Variants in PRRT4 observed in about 807,000 individuals in gnomAD.
The protein encoded by PRRT4 is proline-rich transmembrane protein 4.
In PRRT4, 59 loss-of-function variants were observed where a neutral mutation model predicts 55.6. The ratio of observed to expected loss-of-function variants is 1.06; its 90% CI spans 0.86 to 1.32. PRRT4 has a LOEUF of 1.32. Among genes scored for constraint, PRRT4 ranks in the 40% most tolerant of loss-of-function variants. The pLI, the probability that PRRT4 is intolerant of heterozygous loss-of-function variation, is 0.00. For synonymous variants in PRRT4, 606 were observed against 601.8 expected, an observed-to-expected ratio of 1.01 and a Z score of -0.10; for missense variants, 1,217 against 1,222.0, an observed-to-expected ratio of 1.00 and a Z score of 0.06.
chr7:128,352,008 G>T lies in PRRT4; in HGVS notation c.1548C>A (p.Leu516=), dbSNP rs750507395. 2.6e-5 allele frequency: 34 copies of T among 1,316,498 alleles called. No homozygotes were observed. In the African/African-American group the frequency reaches 3.9e-4, roughly 15 times the overall value. The allele number at this position is 1,316,498 out of a possible 1,614,324, so 81.6% of individuals were successfully genotyped here. ...GCCGCCGCCGCCCGCCCCAGCAGGAGAGCGCCAGCAGCAGCCCGGAAAGGA... is the reference window on the plus strand; with the variant it reads ...GCCGCCGCCGCCCGCCCCAGCAGGATAGCGCCAGCAGCAGCCCGGAAAGGA... Residue 516 remains leucine (L), a synonymous_variant, in exon 5 of 5, where the codon CTC becomes CTA. Coordinates refer to ENST00000535159, the Ensembl canonical transcript of PRRT4.
chr7:128,358,791 C>T lies in PRRT4; in HGVS notation c.767G>A (p.Gly256Asp). The T allele has an allele frequency of 1.3e-6, 2 of 1,542,034 alleles. No individual in the cohort carries two copies. The highest frequency in any genetic ancestry group is 1.7e-6 in the Non-Finnish European group (2 of 1,143,616). ...GTATGGGGGCAGGGACAGAGTGGTA[C>T]CAAGGAACCCTGCAAAGGGAGCACA... Residue 256 changes from glycine to aspartate, a missense_variant, in exon 4 of 5, where the codon GGT becomes GAT. Physicochemically the swap from Gly to Asp is moderately conservative, Grantham distance 94 (BLOSUM62 -1). Around this residue, in one of 3 missense-constraint regions of PRRT4, gnomAD observed 564 missense variants for 592.9 expected, o/e 0.95. Transcript: ENST00000535159. This position sits in a 1 kb window ranked among gnomAD's most constrained non-coding sequence, Gnocchi z 4.4.
exon 5 of PRRT4, chr7:128,351,995 C>T: frequency 2.3e-6 from 3 of 1,309,696 alleles, no homozygotes; most frequent in Non-Finnish European, 2.9e-6. Context: ...CGCCGCCGCC[C>T]GCCCCAGCAG....
rs541759797 is a variant in PRRT4, at chr7:128,352,288, C to T, written c.1268G>A (p.Gly423Glu). Residue 423 changes from glycine (G) to glutamate (E), a missense_variant, in exon 5 of 5, where the codon GGG becomes GAG. Physicochemically the swap from Gly to Glu is moderately conservative, Grantham distance 98. This residue lies in a region of PRRT4 where 564 missense variants were observed against 592.9 expected (regional missense o/e 0.95). Coordinates refer to ENST00000535159, the Ensembl canonical transcript of PRRT4. The stretch of plus-strand genomic sequence containing the variant: ...GAGCGCGGGCAGTCGATCCCTGTGC[C>T]CATAGGCGTCGTAGAAGAGCGGGAA... The T allele has an allele frequency of 1.9e-6, 3 of 1,543,620 alleles. No homozygotes were observed. The South Asian group carries it at 3.6e-5, about 18-fold the overall frequency.
chr7:128,351,982 C>G, exon 5 of PRRT4: 1 of 1,284,892 alleles, frequency 7.8e-7, no homozygotes, highest in African/African-American at 1.6e-5. Context: ...CGCCCCGGCC[C>G]GCCGCCGCCG....
chr7:128,353,872 G>T (rs1797054651), intron 4 of PRRT4, among the ~76,000 whole-genome samples: 1 of 152,130 alleles, frequency 6.6e-6, no homozygotes, highest in African/African-American at 2.4e-5. Flanking sequence ...CTTGGAAAAA[G>T]GGAAGTCACC....
chr7:128,353,710 A>G (rs1007057604), intron 4 of PRRT4, among the ~76,000 whole-genome samples: 2 of 152,208 alleles, frequency 1.3e-5, no homozygotes, highest in Non-Finnish European at 2.9e-5. Flanking sequence ...CCCAGGTCTC[A>G]AAAGGTGCCC....
chr7:128,350,749 G>A, downstream of PRRT4: 1 of 1,472,662 alleles, frequency 6.8e-7, no homozygotes, highest in Non-Finnish European at 9.1e-7. Context: ...GGAATCTGGA[G>A]AGGTATCTGA....
rs1007967203 is a variant in PRRT4 at position 128,358,626 on chromosome 7, C to T, written c.877+55G>A. On this transcript the variant is annotated intron_variant, in intron 4 of 4. Coordinates refer to ENST00000535159, the Ensembl canonical transcript of PRRT4. The surrounding 1 kb of genome is among the most constrained non-coding windows in gnomAD (Gnocchi z 4.4). ...TCCCAGAACACTGATGAGTGACTAG[C>T]ATGTAGTAAGTGCTCAATAAATAAT... The T allele has an allele frequency of 9.0e-6, 13 of 1,452,340 alleles. No homozygotes were observed. In the African/African-American group the frequency reaches 1.7e-4, roughly 19 times the overall value. 90.0% of individuals were successfully genotyped at this position (1,452,340 alleles called of 1,614,324 possible). A position where few individuals can be genotyped will look rare whatever the true frequency, so the allele number is the denominator to read the frequency against.
intron 4 of PRRT4, among the ~76,000 whole-genome samples, chr7:128,356,647 G>A (rs1412725284): frequency 6.6e-6 from 1 of 152,260 alleles, no homozygotes; most frequent in Non-Finnish European, 1.5e-5. Context: ...TGGCCAGGAG[G>A]AGAGGAGATA....
In PRRT4 at chr7:128,351,702, C is replaced by T. The variant is rs565854233; in HGVS notation, c.1854G>A (p.Leu618=). The T allele has an allele frequency of 6.3e-5, 95 of 1,498,728 alleles. No individual in the cohort carries two copies. In the African/African-American group the frequency reaches 1.1e-3, roughly 17 times the overall value. 92.8% of individuals were successfully genotyped at this position (1,498,728 alleles called of 1,614,324 possible). The change falls in exon 5 of 5, where the codon CTG becomes CTA. Residue 618 remains leucine (L), a synonymous_variant. Transcript: ENST00000535159. Reference sequence around the variant, plus strand: ...GACTGCAGAGCGCCGGGTAGAGGCCCAGCAGCGCCAACGGGAGCGCGACGC... The same window carrying T: ...GACTGCAGAGCGCCGGGTAGAGGCCTAGCAGCGCCAACGGGAGCGCGACGC...
At chr7:128,360,487 T>C (rs994118207) in intron 1 of PRRT4, among the ~76,000 whole-genome samples, 10 of 152,336 alleles carry the variant, frequency 6.6e-5, no homozygotes, top group African/African-American at 1.7e-4. Context: ...TGTCTTGACC[T>C]ATTCCAACCC....
chr7:128,353,706 T>C (rs1361982148), intron 4 of PRRT4, among the ~76,000 whole-genome samples: 1 of 152,096 alleles, frequency 6.6e-6, no homozygotes, highest in Non-Finnish European at 1.5e-5. Flanking sequence ...CTCCCCCAGG[T>C]CTCAAAAGGT....
rs1355321772 is a variant in PRRT4 at position 128,352,379 on chromosome 7, G to A, written c.1177C>T (p.Pro393Ser). Residue 393 changes from proline to serine, a missense_variant, in exon 5 of 5, where the codon CCG (proline) becomes TCG (serine). By Grantham distance (74) the Pro-to-Ser change is moderately conservative. This residue lies in a region of PRRT4 where 564 missense variants were observed against 592.9 expected (regional missense o/e 0.95). Transcript: ENST00000535159. ...AGCGCCAGGCAGGGGGCGCCGGGCG[G>A]GCACCGCCAGGGCAAGAGGGCCAGA... The A allele has an allele frequency of 7.2e-6, 11 of 1,524,688 alleles. No homozygotes were observed. In the East Asian group the frequency reaches 7.4e-5, roughly 10 times the overall value. The allele number at this position is 1,524,688 out of a possible 1,614,324, so 94.4% of individuals were successfully genotyped here.
chr7:128,352,815 A>G, intron 4 of PRRT4, 137 bp from the exon 6 acceptor site: 1 of 839,310 alleles, frequency 1.2e-6, no homozygotes, highest in South Asian at 1.9e-5. Context: ...GACTCACCCC[A>G]CCTCTTGGCC....
exon 5 of PRRT4, chr7:128,351,911 C>A (rs142425872): frequency 4.5e-6 from 6 of 1,318,794 alleles, no homozygotes; most frequent in Middle Eastern, 2.8e-4. Flanking sequence ...TCCCGAGGGG[C>A]GAAGGGGCTG....
chr7:128,351,401 C>A, exon 5 of PRRT4: 1 of 1,541,514 alleles, frequency 6.5e-7, no homozygotes, highest in Non-Finnish European at 8.8e-7. Flanking sequence ...GGGCGGAAGT[C>A]CACGGTGTAA....
exon 2 of PRRT4, chr7:128,359,436 C>T (rs1023382753): frequency 8.9e-6 from 13 of 1,463,078 alleles, no homozygotes; most frequent in African/African-American, 4.3e-5. Flanking sequence ...GCTGCACCTG[C>T]TCTCAGTGCC....
chr7:128,357,849 G>C (rs967823776), intron 4 of PRRT4, among the ~76,000 whole-genome samples: 12 of 152,290 alleles, frequency 7.9e-5, no homozygotes, highest in Admixed American at 7.2e-4. Flanking sequence ...TCTGCTGTGT[G>C]GTTTGTGTTG....
At chr7:128,354,497 G>T (rs1412025801) in intron 4 of PRRT4, among the ~76,000 whole-genome samples, 1 of 152,140 alleles carries the variant, frequency 6.6e-6, no homozygotes, top group Non-Finnish European at 1.5e-5. Context: ...CGGGGAGGCG[G>T]AGGTTGCAGT....
Sources: allele counts gnomAD v4.1 joint callset (sites outside exome capture counted in the v4.1 genomes callset), GRCh38; gene constraint gnomAD v4.1.1; regional missense constraint gnomAD v4.1.1; non-coding constraint Gnocchi (gnomAD v3.1); transcripts MANE v1.5; gene names NCBI Gene and HGNC (gene_info 2026-07-23, HGNC 2026-07-21).